Variants in PTPRD observed in about 807,000 individuals in gnomAD.
PTPRD encodes receptor-type tyrosine-protein phosphatase delta.
In PTPRD, 34 loss-of-function variants were observed where a neutral mutation model predicts 214.5. The ratio of observed to expected loss-of-function variants is 0.16; its 90% CI spans 0.12 to 0.21. PTPRD has a LOEUF of 0.21. Among genes scored for constraint, PTPRD ranks in the 10% least tolerant of loss-of-function variants. PTPRD has a pLI of 1.00. For synonymous variants in PTPRD, 1,128 were observed against 845.7 expected, an observed-to-expected ratio of 1.33 and a Z score of -5.79; for missense variants, 2,545 against 2,398.7, an observed-to-expected ratio of 1.06 and a Z score of -1.27.
intron 3 of PTPRD, among the ~76,000 whole-genome samples, chr9:10,263,355 G>C (rs539772851): frequency 2.6e-5 from 4 of 152,154 alleles, no homozygotes; most frequent in Non-Finnish European, 5.9e-5. Context: ...GGGCTCAGAA[G>C]ACAGGAAAAT....
In PTPRD at chr9:9,919,225, A is replaced by G. The variant is rs1489894335; in HGVS notation, c.-368+19282T>C. Among the ~76,000 whole-genome samples the G allele has an allele frequency of 2.6e-5, 4 of 152,084 alleles. No individual in the cohort carries two copies. In the East Asian group the frequency reaches 7.7e-4, roughly 29 times the overall value. ...TACTGATTTAGCACCTCTTAAAAAC[A>G]TACCCTCTCTTCCTTCTAACTAGTT... is the stretch of plus-strand genomic sequence containing the variant. On this transcript the variant is annotated intron_variant, in intron 5 of 45. Coordinates refer to ENST00000381196, the MANE Select transcript of PTPRD (RefSeq NM_002839.4).
At chr9:10,527,129 C>G (rs888634375) in intron 2 of PTPRD, among the ~76,000 whole-genome samples, 1 of 152,010 alleles carries the variant, frequency 6.6e-6, no homozygotes, top group Non-Finnish European at 1.5e-5. Flanking sequence ...TTATTTATCA[C>G]CAGGCTATGG....
chr9:9,330,415 C>T (rs1008838646), intron 9 of PTPRD, among the ~76,000 whole-genome samples: 1 of 152,098 alleles, frequency 6.6e-6, no homozygotes, highest in African/African-American at 2.4e-5. Context: ...AAGTCAAGTA[C>T]AGTAACCTTT....
intron 2 of PTPRD, among the ~76,000 whole-genome samples, chr9:10,407,380 T>A (rs2154502478): frequency 6.6e-6 from 1 of 151,686 alleles, no homozygotes; most frequent in Non-Finnish European, 1.5e-5. Context: ...GTTTTCATCA[T>A]AATTCTTATG....
intron 9 of PTPRD, among the ~76,000 whole-genome samples, chr9:9,261,778 T>C (rs2099980233): frequency 6.6e-6 from 1 of 151,718 alleles, no homozygotes; most frequent in Admixed American, 6.6e-5. Flanking sequence ...CTATATCTGT[T>C]TTTGGCTAAG....
intron 10 of PTPRD, among the ~76,000 whole-genome samples, chr9:9,041,261 G>A (rs1043334839): frequency 6.6e-6 from 1 of 151,950 alleles, no homozygotes; most frequent in African/African-American, 2.4e-5. Context: ...GGTTTGTTAT[G>A]CAGGTAAACT....
At chr9:8,725,258 T>C (rs1398467906) in intron 12 of PTPRD, among the ~76,000 whole-genome samples, 1 of 152,196 alleles carries the variant, frequency 6.6e-6, no homozygotes, top group Admixed American at 6.5e-5. Flanking sequence ...TTAATGCTTG[T>C]TACTGTTAGA....
chr9:8,895,063 T>G (rs1263469534), intron 11 of PTPRD, among the ~76,000 whole-genome samples: 2 of 152,244 alleles, frequency 1.3e-5, no homozygotes, highest in African/African-American at 4.8e-5. Context: ...GGAAACTGAT[T>G]CAACTTCTGC....
In PTPRD at chr9:8,376,010, T is replaced by C. The variant is rs1344502513; in HGVS notation, c.4587A>G (p.Thr1529=). 2 of 1,612,874 alleles carry C rather than the reference T, an allele frequency of 1.2e-6. No individual in the cohort carries two copies. The highest frequency in any genetic ancestry group is 2.2e-5 in the East Asian group (1 of 44,842). Residue 1529 remains threonine, a synonymous_variant, in exon 39 of 46, where the codon ACA becomes ACG. Transcript: ENST00000381196. ...CTCTACGTAAGAAAGCTAGAAAAGG[T>C]GTAGGGTGTTCTGGAACACCATGAT... ...WPDHGVPEHP[T]PFLAFLRRVK... is the part of the protein sequence containing the mutation.
intron 16 of PTPRD, among the ~76,000 whole-genome samples, chr9:8,526,908 G>A (rs2074297783): frequency 6.6e-6 from 1 of 151,862 alleles, no homozygotes; most frequent in Admixed American, 6.6e-5. Flanking sequence ...TGAGTTTTCA[G>A]GTCTGGGGTC....
At chr9:8,749,873 G>C (rs2093342017) in intron 11 of PTPRD, among the ~76,000 whole-genome samples, 1 of 152,088 alleles carries the variant, frequency 6.6e-6, no homozygotes, top group Non-Finnish European at 1.5e-5. Context: ...AGGCCAAGGA[G>C]GGTGGATGAT....
At chr9:8,434,892 C>G (rs903298061) in intron 35 of PTPRD, among the ~76,000 whole-genome samples, 2 of 152,098 alleles carry the variant, frequency 1.3e-5, no homozygotes, top group African/African-American at 4.8e-5. Context: ...TTTAAAGGAG[C>G]TATTCTGATC....
rs369458270 is a variant in PTPRD, at chr9:9,551,411, G to C, written c.-237+23321C>G. On this transcript the variant is annotated intron_variant, in intron 8 of 45. Transcript: ENST00000381196. The stretch of plus-strand genomic sequence containing the variant: ...TCTAGCTTTCCAGTGGTAGTACTAG[G>C]CAACATTGATTATATTTAATTTTAC... 1.3e-3 allele frequency among the ~76,000 whole-genome samples: 195 copies of C among 151,828 alleles called. 7 individuals are homozygous for C. The South Asian group carries it at 0.04, about 31-fold the overall frequency.
intron 3 of PTPRD, among the ~76,000 whole-genome samples, chr9:10,075,468 T>C (rs920097605): frequency 1.3e-5 from 2 of 152,004 alleles, no homozygotes; most frequent in Non-Finnish European, 2.9e-5. Context: ...TTATAACTTA[T>C]TTGATTTATA....
chr9:10,186,183 G>A (rs761360253), intron 3 of PTPRD, among the ~76,000 whole-genome samples: 173 of 151,868 alleles, frequency 1.1e-3, no homozygotes, highest in Non-Finnish European at 1.7e-3. Flanking sequence ...TTTTTGATTG[G>A]AACTTGGAAA....
At chr9:8,959,633 T>C (rs189489989) in intron 11 of PTPRD, among the ~76,000 whole-genome samples, 67 of 152,140 alleles carry the variant, frequency 4.4e-4, no homozygotes, top group Admixed American at 6.6e-4. Flanking sequence ...ATTTAGTAGT[T>C]GTTTAAAATA....
At chr9:8,435,901 A>G (rs774871584) in intron 35 of PTPRD, among the ~76,000 whole-genome samples, 11 of 152,352 alleles carry the variant, frequency 7.2e-5, no homozygotes, top group Non-Finnish European at 1.6e-4. Context: ...ATTAATTTAG[A>G]TTGAAGGATA....
chr9:8,888,520 A>G (rs1192252284), intron 11 of PTPRD, among the ~76,000 whole-genome samples: 1 of 152,222 alleles, frequency 6.6e-6, no homozygotes, highest in African/African-American at 2.4e-5. Context: ...GATGACAAAC[A>G]TTGTCTCCCT....
intron 2 of PTPRD, among the ~76,000 whole-genome samples, chr9:10,459,557 C>A (rs1239745401): frequency 1.3e-5 from 2 of 152,126 alleles, no homozygotes; most frequent in African/African-American, 4.8e-5. Context: ...TCCTCTCCAG[C>A]ATCTGTTGTT....
Sources: gnomAD v4.1 joint callset for allele counts (sites outside exome capture counted in the v4.1 genomes callset) on GRCh38, gnomAD v4.1.1 for gene constraint, MANE v1.5 for transcripts, NCBI Gene and HGNC (gene_info 2026-07-23, HGNC 2026-07-21) for gene names.